MARCHF1: variants seen among roughly 807,000 people sequenced by gnomAD.
The protein encoded by MARCHF1 is membrane associated ring-CH-type finger 1, also known as E3 ubiquitin-protein ligase MARCHF1.
Under a neutral mutation model 54.2 loss-of-function variants are expected in MARCHF1, and 40 were observed. That is an observed-to-expected ratio of 0.74 (90% CI 0.57 to 0.96). MARCHF1 has a LOEUF of 0.96. MARCHF1 is among the 40% of genes least tolerant of loss of function. MARCHF1 has a pLI of 0.00. For missense variants in MARCHF1, 586 were observed against 656.5 expected (o/e 0.89, Z 1.17); for synonymous variants, 236 against 236.3 (o/e 1.00, Z 0.01).
At chr4:164,278,785 G>C (rs1733949744) in intron 1 of MARCHF1, among the ~76,000 whole-genome samples, 1 of 152,122 alleles carries the variant, frequency 6.6e-6, no homozygotes, top group African/African-American at 2.4e-5. Flanking sequence ...GAGGGGAGCG[G>C]TTAAAACCGT....
At chr4:164,268,106 A>G (rs1733655093) in intron 1 of MARCHF1, among the ~76,000 whole-genome samples, 1 of 152,234 alleles carries the variant, frequency 6.6e-6, no homozygotes, top group Non-Finnish European at 1.5e-5. Context: ...AAATGGGGGT[A>G]GCAGCAACAT....
At chr4:163,537,738 T>C (rs867510313) in intron 9 of MARCHF1, among the ~76,000 whole-genome samples, 5 of 152,314 alleles carry the variant, frequency 3.3e-5, no homozygotes, top group Middle Eastern at 6.8e-3. Context: ...TCTGAGGAAA[T>C]AGAAAGCTAC....
At chr4:164,197,027 TTTC>T (rs778429164) in intron 1 of MARCHF1, 3 of 1,605,314 alleles carry the variant, frequency 1.9e-6, no homozygotes, top group African/African-American at 2.7e-5. Context: ...TTCTGACCCC[TTTC>T]TTCTTCACCA....
chr4:164,282,609 C>T (rs1219430236), intron 1 of MARCHF1, among the ~76,000 whole-genome samples: 2 of 151,146 alleles, frequency 1.3e-5, no homozygotes, highest in East Asian at 4.0e-4. Flanking sequence ...CTATTTCACT[C>T]AAAAATACTC....
chr4:163,673,730 A>G (rs1467379045), intron 5 of MARCHF1, among the ~76,000 whole-genome samples: 1 of 152,210 alleles, frequency 6.6e-6, no homozygotes, highest in East Asian at 1.9e-4. Flanking sequence ...GACTTGATGT[A>G]TATAATATTA....
At chr4:163,837,533 C>CT (rs1371488503) in intron 4 of MARCHF1, among the ~76,000 whole-genome samples, 1 of 151,874 alleles carries the variant, frequency 6.6e-6, no homozygotes, top group East Asian at 1.9e-4. Context: ...CTTGATTCAG[C>CT]TAAACTATAT....
At chr4:164,171,586 A>G (rs546594015) in intron 1 of MARCHF1, among the ~76,000 whole-genome samples, 9 of 131,778 alleles carry the variant, frequency 6.8e-5, no homozygotes, top group Non-Finnish European at 1.6e-4. Flanking sequence ...AAAAGTAGGA[A>G]TACATTATTT....
intron 2 of MARCHF1, among the ~76,000 whole-genome samples, chr4:164,064,756 C>T (rs1222692938): frequency 1.3e-5 from 2 of 152,110 alleles, no homozygotes; most frequent in Non-Finnish European, 2.9e-5. Context: ...CCAGTTTTTT[C>T]CCATTCAGTA....
intron 1 of MARCHF1, among the ~76,000 whole-genome samples, chr4:164,338,972 C>CA (rs1048259741): frequency 2.7e-5 from 4 of 150,684 alleles, no homozygotes; most frequent in Non-Finnish European, 4.4e-5. Flanking sequence ...AACTCCATCT[C>CA]AAAAAAAATA....
intron 1 of MARCHF1, among the ~76,000 whole-genome samples, chr4:164,227,158 C>T (rs1340307805): frequency 6.6e-6 from 1 of 152,072 alleles, no homozygotes. Flanking sequence ...ATTTAATTGA[C>T]TCACAATTCC....
At chr4:163,861,203 G>A (rs562736097) in intron 3 of MARCHF1, among the ~76,000 whole-genome samples, 1 of 152,256 alleles carries the variant, frequency 6.6e-6, no homozygotes, top group East Asian at 1.9e-4. Flanking sequence ...TAGTCTGGAA[G>A]TGCCCAAGAA....
intron 4 of MARCHF1, among the ~76,000 whole-genome samples, chr4:163,823,021 CA>C (rs1292810198): frequency 2.0e-4 from 30 of 151,814 alleles, no homozygotes; most frequent in Admixed American, 2.0e-3. Flanking sequence ...ATAACACAAA[CA>C]GGCTTACTTC....
chr4:163,582,553 A>C (rs2110810143), intron 8 of MARCHF1, among the ~76,000 whole-genome samples: 1 of 152,324 alleles, frequency 6.6e-6, no homozygotes, highest in South Asian at 2.1e-4. Flanking sequence ...TACTACTTTA[A>C]GAAATCATTT....
intron 8 of MARCHF1, among the ~76,000 whole-genome samples, chr4:163,560,097 A>G (rs943872493): frequency 6.6e-6 from 1 of 152,210 alleles, no homozygotes; most frequent in Non-Finnish European, 1.5e-5. Flanking sequence ...TAATACATCA[A>G]TTTGTTCTTT....
chr4:164,083,398 A>G (rs931829071), intron 2 of MARCHF1, among the ~76,000 whole-genome samples: 2 of 152,078 alleles, frequency 1.3e-5, no homozygotes, highest in Non-Finnish European at 2.9e-5. Flanking sequence ...CATGTTTTCT[A>G]AAGAAGCATT....
chr4:163,841,352 A>G (rs905653720), intron 4 of MARCHF1, among the ~76,000 whole-genome samples: 6 of 152,030 alleles, frequency 3.9e-5, no homozygotes, highest in African/African-American at 1.4e-4. Context: ...AGTTGGGGAG[A>G]CTATGCTTGT....
chr4:164,091,410 T>TTATATATATATATATATATATATATA (rs1553980469), intron 2 of MARCHF1, among the ~76,000 whole-genome samples: 129 of 136,874 alleles, frequency 9.4e-4, no homozygotes, highest in Non-Finnish European at 1.1e-3. Context: ...TCACCAAGTT[T>TTATATATATATATATATATATATATA]TATATATATA....
chr4:163,636,048 T>G (rs1475111972), intron 5 of MARCHF1, among the ~76,000 whole-genome samples: 1 of 152,148 alleles, frequency 6.6e-6, no homozygotes, highest in East Asian at 1.9e-4. Context: ...TCAACAACCC[T>G]TCATGCTAAA....
chr4:163,637,479 A>G (rs921360569), intron 5 of MARCHF1, among the ~76,000 whole-genome samples: 1,645 of 152,332 alleles, frequency 0.011, 30 homozygotes, highest in African/African-American at 0.037. Flanking sequence ...GCAGCCAAAA[A>G]ACATATGAAA....
Sources: gnomAD v4.1 joint callset for allele counts (sites outside exome capture counted in the v4.1 genomes callset) on GRCh38, gnomAD v4.1.1 for gene constraint, MANE v1.5 for transcripts, NCBI Gene and HGNC (gene_info 2026-07-23, HGNC 2026-07-21) for gene names.